The following MYH3 variants were observed in gnomAD, a reference collection of about 807,000 sequenced individuals.
MYH3 encodes the protein myosin-3.
A neutral mutation model predicts 238.0 loss-of-function variants in MYH3; 130 were observed. That is an observed-to-expected ratio of 0.55 (90% CI 0.47 to 0.63). The LOEUF is 0.63. MYH3 is among the 30% of genes least tolerant of loss of function. The probability of loss-of-function intolerance (pLI) is 0.00; values close to 1 mark genes in which losing one functional copy is unlikely to be tolerated. For missense variants in MYH3, 1,853 were observed against 2,374.9 expected, an observed-to-expected ratio of 0.78 and a Z score of 4.57; for synonymous variants, 880 against 924.1, an observed-to-expected ratio of 0.95 and a Z score of 0.86.
At position 10,639,148 on chromosome 17, in the gene MYH3, G is replaced by A. The variant is rs758694196; in HGVS notation, c.3144C>T (p.Asp1048=). 2 of 1,614,020 alleles carry A rather than the reference G, an allele frequency of 1.2e-6. No homozygotes were observed. Among genetic ancestry groups the A allele is most frequent in the Non-Finnish European group, 1.7e-6 (2 of 1,179,964 alleles). Residue 1048 remains aspartate (D), a synonymous_variant, in exon 25 of 41, where the codon GAC becomes GAT. Transcript: ENST00000583535. ...CCAATTTCCTTTTGTTCCTTTCCAG[G>A]TCTACTCGGAGCTTCTTTTCTTGTT... ...SLEQEKKLRV[D]LERNKRKLEG...
chr17:10,669,691 C>G, the MYH3 span, among the ~76,000 whole-genome samples: 1 of 151,988 alleles, frequency 6.6e-6, no homozygotes, highest in Non-Finnish European at 1.5e-5. Flanking sequence ...GTCTCTTGAG[C>G]CCAGGAATTT....
upstream of MYH3, among the ~76,000 whole-genome samples, chr17:10,659,536 C>G (rs2074465728): frequency 6.6e-6 from 1 of 152,186 alleles, no homozygotes; most frequent in African/African-American, 2.4e-5. Context: ...TTTTATGTGT[C>G]AGGCACAGAA....
Position 10,638,323 on chromosome 17 carries a change from C to T in MYH3, c.3449G>A (p.Arg1150Gln), listed in dbSNP as rs752339755. 1.9e-5 allele frequency: 31 copies of T among 1,612,102 alleles called. No homozygotes were observed. Among genetic ancestry groups the T allele is most frequent in the East Asian group, 1.3e-4 (6 of 44,816 alleles). ...GGTGACGCCTCCCGCCTCCTCCAGC[C>T]GCTCGCTCAGCTCCTCCAGCTCCCG... ...YARELEELSE[R>Q]LEEAGGVTST... Residue 1150 changes from arginine (R) to glutamine (Q), a missense_variant, in exon 27 of 41, where the codon CGG becomes CAG. Physicochemically the swap from Arg to Gln is conservative, Grantham distance 43. Coordinates refer to ENST00000583535, the MANE Select transcript of MYH3 (RefSeq NM_002470.4).
At chr17:10,641,013 A>C in intron 19 of MYH3, 72 bp downstream of exon 19, 1 of 1,227,062 alleles carries the variant, frequency 8.1e-7, no homozygotes, top group Non-Finnish European at 1.2e-6. Context: ...TTTCATACGA[A>C]TCTTTCTCCC....
At position 10,645,859 on chromosome 17, in the gene MYH3, G is replaced by GGCA; in HGVS notation, c.1003-17_1003-15dup. ...GTCAATGGCGCTCTGGCATGGAAAG[G>GGCA]GCAGCACGTCAGTCAGTTGGCCCCA... On this transcript the variant is annotated splice_polypyrimidine_tract_variant and intron_variant, in intron 11 of 40. Coordinates refer to ENST00000583535, the MANE Select transcript of MYH3 (RefSeq NM_002470.4). 1 of 1,613,916 alleles carries GGCA rather than the reference G, an allele frequency of 6.2e-7. No homozygotes were observed. Among genetic ancestry groups the GGCA allele is most frequent in the Non-Finnish European group, 8.5e-7 (1 of 1,180,014 alleles).
intron 3 of MYH3, 147 bp from the exon 4 acceptor site, chr17:10,652,710 C>G (rs1424418783): frequency 2.2e-6 from 2 of 893,094 alleles, no homozygotes; most frequent in Non-Finnish European, 1.7e-6. Flanking sequence ...CAAGCTCCAC[C>G]TCCCGGGTTC....
chr17:10,656,016 AG>A, intron 2 of MYH3, 73 bp downstream of exon 2: 1 of 151,994 alleles, frequency 6.6e-6, no homozygotes, highest in Non-Finnish European at 1.5e-5. Flanking sequence ...CGGTGGGAGG[AG>A]GGAGAAAGGA....
rs147794576 is a variant in MYH3 at position 10,639,671 on chromosome 17, C to T, written c.2814G>A (p.Thr938=). The part of the protein sequence containing the change: ...EDEEEINAEL[T]AKKRKLEDEC... ...CATCCTCCAGTTTCCTCTTCTTGGC[C>T]GTCAGCTCAGCATTGATCTCCTCCT... Residue 938 remains threonine (T), a synonymous_variant, in exon 23 of 41, where the codon ACG becomes ACA. Transcript: ENST00000583535. 548 of 1,613,982 alleles carry T rather than the reference C, an allele frequency of 3.4e-4. No homozygotes were observed. Among genetic ancestry groups the T allele is most frequent in the Non-Finnish European group, 4.1e-4 (488 of 1,180,022 alleles).
Position 10,634,056 on chromosome 17 carries a change from G to C in MYH3, c.4483C>G (p.Gln1495Glu). Reference protein sequence around the residue: ...LKNAYEEALDQLETVKRENKN... With the variant: ...LKNAYEEALDELETVKRENKN... ...TTTTCCCGTTTCACAGTTTCAAGTT[G>C]ATCTAAGGCTTCCTCGTAGGCATTT... is the stretch of plus-strand genomic sequence containing the variant. Residue 1495 changes from glutamine (Q) to glutamate (E), a missense_variant, in exon 32 of 41, where the codon CAA becomes GAA. Gln to Glu is a conservative substitution (Grantham distance 29, BLOSUM62 2). Around this residue, in one of 3 missense-constraint regions of MYH3, gnomAD observed 1,044 missense variants for 1,192.6 expected, o/e 0.88. Transcript: ENST00000583535. The C allele has an allele frequency of 6.2e-7, 1 of 1,614,176 alleles. No individual in the cohort carries two copies. The highest frequency in any genetic ancestry group is 1.1e-5 in the South Asian group (1 of 91,078).
chr17:10,636,024 C>T (rs2142391023), intron 28 of MYH3, among the ~76,000 whole-genome samples, 171 bp from the exon 29 acceptor site: 1 of 152,180 alleles, frequency 6.6e-6, no homozygotes, highest in East Asian at 1.9e-4. Flanking sequence ...GAAAGCAGAA[C>T]TGATAAGGTA....
Position 10,633,690 on chromosome 17 carries a change from T to C in MYH3, c.4548A>G (p.Gln1516=). 1 of 1,614,078 alleles carries C rather than the reference T, an allele frequency of 6.2e-7. No individual in the cohort carries two copies. The highest frequency in any genetic ancestry group is 8.5e-7 in the Non-Finnish European group (1 of 1,180,002). ...LEQEIADLTE[Q]IAENGKTIHE... The stretch of plus-strand genomic sequence containing the variant: ...GGATGGTTTTGCCATTTTCAGCAAT[T>C]TGTTCTGTGAGATCTGCTATCTCCT... The change falls in exon 33 of 41, where the codon CAA becomes CAG. Residue 1516 remains glutamine (Q), a synonymous_variant. Transcript: ENST00000583535.
chr17:10,657,457 G>C (rs1372864648), upstream of MYH3: 1 of 152,240 alleles, frequency 6.6e-6, no homozygotes, highest in Non-Finnish European at 1.5e-5. Flanking sequence ...CCAAGGGAAA[G>C]GTATAATTAG....
At chr17:10,649,523 T>C in intron 7 of MYH3, 54 bp downstream of exon 7, 1 of 1,425,798 alleles carries the variant, frequency 7.0e-7, no homozygotes, top group African/African-American at 1.4e-5. Flanking sequence ...CATTCTGAGG[T>C]TAAGACCACA....
the MYH3 span, among the ~76,000 whole-genome samples, chr17:10,667,455 A>G: frequency 6.6e-6 from 1 of 151,996 alleles, no homozygotes; most frequent in South Asian, 2.1e-4. Context: ...GCCAAGGCAG[A>G]TGGATCACTT....
At chr17:10,643,304 T>C (rs2142406085) in intron 14 of MYH3, among the ~76,000 whole-genome samples, 1 of 152,328 alleles carries the variant, frequency 6.6e-6, no homozygotes, top group South Asian at 2.1e-4. Context: ...TACAAGCTCA[T>C]CTGTTTTTTT....
intron 30 of MYH3, 142 bp downstream of exon 30, chr17:10,635,225 T>A: frequency 7.0e-7 from 1 of 1,434,092 alleles, no homozygotes; most frequent in Non-Finnish European, 9.5e-7. Context: ...TTTGTTTTAA[T>A]AAAATGTGCT....
At chr17:10,661,828 G>A (rs181955811), upstream of MYH3, among the ~76,000 whole-genome samples, 1 of 152,256 alleles carries the variant, frequency 6.6e-6, no homozygotes, top group Admixed American at 6.5e-5. Context: ...CTGTGATGGG[G>A]ATTAGGTGTC....
rs919289524 is a variant in MYH3, at chr17:10,656,138, A to C, written c.-57T>G. ...AGAGCAGAAGACAGCAACAGCCAGGAGATCCCAGACCTGGAAGAATATGCA... is the reference window on the plus strand; with the variant it reads ...AGAGCAGAAGACAGCAACAGCCAGGCGATCCCAGACCTGGAAGAATATGCA... On this transcript the variant is annotated 5_prime_UTR_variant, in exon 2 of 41. Coordinates refer to ENST00000583535, the MANE Select transcript of MYH3 (RefSeq NM_002470.4). 1 of 152,328 alleles carries C rather than the reference A, an allele frequency of 6.6e-6. No homozygotes were observed. Among genetic ancestry groups the C allele is most frequent in the Non-Finnish European group, 1.5e-5 (1 of 68,100 alleles). The allele number at this position is 152,328 out of a possible 1,614,324, so 9.4% of individuals were successfully genotyped here.
At position 10,633,825 on chromosome 17, in the gene MYH3, C is replaced by T. The variant is rs78946532; in HGVS notation, c.4523-110G>A. 229,088 of 1,533,606 alleles carry T rather than the reference C, an allele frequency of 0.15. 19,331 individuals are homozygous for T. Among genetic ancestry groups the T allele is most frequent in the Non-Finnish European group, 0.17 (190,149 of 1,117,728 alleles). The allele number at this position is 1,533,606 out of a possible 1,614,324, so 95.0% of individuals were successfully genotyped here. Reference sequence around the variant, plus strand: ...CTGGTTTATTATAATCCTAAGGTTTCCTGCTTCCTAGAGATAAGATATTGT... The same window carrying T: ...CTGGTTTATTATAATCCTAAGGTTTTCTGCTTCCTAGAGATAAGATATTGT... On this transcript the variant is annotated intron_variant, in intron 32 of 40. Transcript: ENST00000583535.
Sources: gnomAD v4.1 joint callset for allele counts (sites outside exome capture counted in the v4.1 genomes callset) on GRCh38, gnomAD v4.1.1 for gene constraint, gnomAD v4.1.1 regional missense constraint, MANE v1.5 for transcripts, NCBI Gene and HGNC (gene_info 2026-07-23, HGNC 2026-07-21) for gene names.